Variants in MGA observed in about 807,000 individuals in gnomAD.
The protein encoded by MGA is MAX dimerization protein MGA, also known as MAX gene-associated protein.
MGA carries 40 observed loss-of-function variants against 261.1 expected under a neutral mutation model. The ratio of observed to expected loss-of-function variants is 0.15; its 90% CI spans 0.12 to 0.20. The LOEUF is 0.20. Ranked by LOEUF, MGA falls within the 10% of genes least tolerant of loss-of-function variation. MGA has a pLI of 1.00. For synonymous variants in MGA, 1,302 were observed against 1,290.6 expected (o/e 1.01, Z -0.19); for missense variants, 3,397 against 3,630.5 (o/e 0.94, Z 1.65).
At chr15:41,682,534 G>A (rs528702852) in intron 2 of MGA, among the ~76,000 whole-genome samples, 1 of 152,250 alleles carries the variant, frequency 6.6e-6, no homozygotes, top group South Asian at 2.1e-4. Flanking sequence ...AGGCTGGAGT[G>A]CAGTGGTGTG....
In MGA at chr15:41,696,252, C is replaced by T. The variant is rs774509475; in HGVS notation, c.1242C>T (p.Tyr414=). ...AGACAGATGAAGAGACGGATGTATA[C>T]TCAAACAGTGATGATGATCCTATAC... Residue 414 remains tyrosine, a synonymous_variant, in exon 3 of 24, where the codon TAC becomes TAT. Coordinates refer to ENST00000219905, the MANE Select transcript of MGA (RefSeq NM_001164273.2). 2.0e-5 allele frequency: 33 copies of T among 1,613,956 alleles called. No individual in the cohort carries two copies. The highest frequency in any genetic ancestry group is 2.0e-4 in the South Asian group (18 of 91,080).
intron 3 of MGA, among the ~76,000 whole-genome samples, chr15:41,698,126 T>C (rs1245853962): frequency 2.7e-5 from 4 of 149,320 alleles, no homozygotes; most frequent in Non-Finnish European, 5.9e-5. Flanking sequence ...TGCCTCAGCC[T>C]CCCAAAGTGC....
chr15:41,738,218 G>A (rs573258715), intron 13 of MGA, among the ~76,000 whole-genome samples: 3 of 151,816 alleles, frequency 2.0e-5, no homozygotes, highest in Non-Finnish European at 4.4e-5. Flanking sequence ...GACCAACATG[G>A]TGAAACCCCA....
At chr15:41,628,217 C>A (rs950413839) in intron 1 of MGA, among the ~76,000 whole-genome samples, 1 of 151,706 alleles carries the variant, frequency 6.6e-6, no homozygotes, top group Admixed American at 6.6e-5. Flanking sequence ...CTAAAAAATA[C>A]AAAAAATTAG....
intron 22 of MGA, among the ~76,000 whole-genome samples, chr15:41,764,158 C>CA (rs1567110263): frequency 2.8e-5 from 4 of 143,676 alleles, no homozygotes; most frequent in South Asian, 2.2e-4. Context: ...GACTCCATCT[C>CA]AAAAAAAATT....
chr15:41,706,185 C>G (rs191692650), intron 5 of MGA, among the ~76,000 whole-genome samples: 54 of 149,142 alleles, frequency 3.6e-4, no homozygotes, highest in Non-Finnish European at 5.6e-4. Flanking sequence ...TGCAGTGAGC[C>G]GAGATTACAC....
At chr15:41,654,627 T>G (rs866067527) in intron 1 of MGA, among the ~76,000 whole-genome samples, 3 of 152,174 alleles carry the variant, frequency 2.0e-5, no homozygotes, top group South Asian at 2.1e-4. Flanking sequence ...CTCATAGGCT[T>G]CTTCTTGATT....
At chr15:41,693,128 C>T (rs2059375409) in intron 2 of MGA, among the ~76,000 whole-genome samples, 1 of 152,126 alleles carries the variant, frequency 6.6e-6, no homozygotes, top group African/African-American at 2.4e-5. Flanking sequence ...GCACGAGCCA[C>T]CACACCCGGC....
chr15:41,656,821 G>C (rs1429998071), upstream of MGA, among the ~76,000 whole-genome samples: 1 of 152,082 alleles, frequency 6.6e-6, no homozygotes, highest in Non-Finnish European at 1.5e-5. Flanking sequence ...CTGTTGCCCA[G>C]ACTGGAGTGC....
At chr15:41,702,483 T>G (rs1213044861) in intron 5 of MGA, among the ~76,000 whole-genome samples, 1 of 152,238 alleles carries the variant, frequency 6.6e-6, no homozygotes, top group Non-Finnish European at 1.5e-5. Context: ...ATTTGTTGAA[T>G]TTCAACTTAA....
chr15:41,690,212 G>C (rs1283782083), intron 2 of MGA, among the ~76,000 whole-genome samples: 2 of 152,084 alleles, frequency 1.3e-5, no homozygotes, highest in Non-Finnish European at 2.9e-5. Flanking sequence ...TTTTGTGCCT[G>C]GCTTGTTTTA....
intron 5 of MGA, among the ~76,000 whole-genome samples, 170 bp downstream of exon 5, chr15:41,699,329 TTC>T (rs368704551): frequency 7.9e-5 from 12 of 152,310 alleles, no homozygotes; most frequent in African/African-American, 2.6e-4. Context: ...TATTTTTCTC[TTC>T]TCTGTCTCCA....
At chr15:41,663,957 C>T (rs961152573) in intron 1 of MGA, among the ~76,000 whole-genome samples, 2 of 152,116 alleles carry the variant, frequency 1.3e-5, no homozygotes, top group Admixed American at 1.3e-4. Context: ...CAAACCTAGG[C>T]ATATGCTTAT....
At chr15:41,695,750 A>G (rs1413802903) in intron 2 of MGA, among the ~76,000 whole-genome samples, 1 of 152,228 alleles carries the variant, frequency 6.6e-6, no homozygotes, top group Middle Eastern at 3.2e-3. Flanking sequence ...CTAAAAACCA[A>G]TGAATTGTAT....
intron 9 of MGA, among the ~76,000 whole-genome samples, chr15:41,726,728 CAAA>C (rs71108124): frequency 7.7e-6 from 1 of 129,868 alleles, no homozygotes; most frequent in African/African-American, 2.9e-5. Context: ...GACTCTGTCT[CAAA>C]AAAAAAAAAA....
At chr15:41,661,041 A>G (rs1263726817) in intron 1 of MGA, among the ~76,000 whole-genome samples, 1 of 152,214 alleles carries the variant, frequency 6.6e-6, no homozygotes, top group Non-Finnish European at 1.5e-5. Flanking sequence ...CACCTGTGCA[A>G]ACGTCTTTTC....
In MGA at chr15:41,766,650, A is replaced by G; in HGVS notation, c.8568A>G (p.Pro2856=). The stretch of plus-strand genomic sequence containing the variant: ...CCAGCTCTATGGATACAGAGTTCCC[A>G]GGGGATGCTCGGCGGGCTTTTATTA... The change falls in exon 24 of 24, where the codon CCA becomes CCG. Residue 2856 remains proline (P), a synonymous_variant. Transcript: ENST00000219905. 1.9e-6 allele frequency: 3 copies of G among 1,613,988 alleles called. No individual in the cohort carries two copies. Among genetic ancestry groups the G allele is most frequent in the Non-Finnish European group, 2.5e-6 (3 of 1,179,888 alleles).
At chr15:41,720,758 G>A (rs935321214) in intron 9 of MGA, among the ~76,000 whole-genome samples, 3 of 151,938 alleles carry the variant, frequency 2.0e-5, no homozygotes, top group African/African-American at 7.3e-5. Flanking sequence ...TCTTGAACCC[G>A]GGAAGCTGAG....
At position 41,749,224 on chromosome 15, in the gene MGA, T is replaced by A; in HGVS notation, c.5617T>A (p.Ser1873Thr). The A allele has an allele frequency of 1.2e-6, 2 of 1,613,866 alleles. No individual in the cohort carries two copies. The highest frequency in any genetic ancestry group is 1.1e-5 in the South Asian group (1 of 91,088). Residue 1873 changes from serine (S) to threonine (T), a missense_variant, in exon 17 of 24, where the codon TCT (serine) becomes ACT (threonine). Ser to Thr is a moderately conservative substitution (Grantham distance 58). Transcript: ENST00000219905. ...GAATCCTGTAATTCAAGCTGTTGGG[T>A]CTTCTTCAGCAGTGAATGTTATCAC...
Sources: allele counts gnomAD v4.1 joint callset (sites outside exome capture counted in the v4.1 genomes callset), GRCh38; gene constraint gnomAD v4.1.1; transcripts MANE v1.5; gene names NCBI Gene and HGNC (gene_info 2026-07-23, HGNC 2026-07-21).